Variants in FBLN2 observed in about 807,000 individuals in gnomAD.
The protein encoded by FBLN2 is fibulin 2.
FBLN2 carries 81 observed loss-of-function variants against 123.7 expected under a neutral mutation model. The observed-to-expected ratio is 0.65, with a 90% CI of 0.55 to 0.79. The LOEUF (loss-of-function observed/expected upper bound fraction) is 0.79. Among genes scored for constraint, FBLN2 ranks in the 30% least tolerant of loss-of-function variants. The probability of loss-of-function intolerance (pLI) is 0.00; values close to 1 mark genes in which losing one functional copy is unlikely to be tolerated. For synonymous variants in FBLN2, 699 were observed against 701.4 expected (o/e 1.00, Z 0.05); for missense variants, 1,603 against 1,681.3 (o/e 0.95, Z 0.81).
intron 11 of FBLN2, among the ~76,000 whole-genome samples, chr3:13,628,485 C>T (rs953749293): frequency 6.6e-6 from 1 of 152,172 alleles, no homozygotes; most frequent in Admixed American, 6.5e-5. Flanking sequence ...CCGGCCTAGT[C>T]CCCAAGTGGG....
chr3:13,608,864 C>A (rs781615955), intron 3 of FBLN2, among the ~76,000 whole-genome samples: 3 of 151,822 alleles, frequency 2.0e-5, no homozygotes, highest in East Asian at 1.9e-4. Context: ...TTCCCAATGT[C>A]CAGACCACTC....
At chr3:13,589,945 C>T (rs188306787) in intron 2 of FBLN2, among the ~76,000 whole-genome samples, 8 of 152,210 alleles carry the variant, frequency 5.3e-5, no homozygotes, top group South Asian at 2.1e-4. Flanking sequence ...TAACAGTACT[C>T]GTCTTAGAGC....
chr3:13,568,316 T>C (rs992734032), intron 1 of FBLN2, among the ~76,000 whole-genome samples: 1 of 152,178 alleles, frequency 6.6e-6, no homozygotes, highest in African/African-American at 2.4e-5. Context: ...GTCCGCTGCA[T>C]CCTATCCATC....
chr3:13,555,568 C>T (rs927885636), intron 1 of FBLN2, among the ~76,000 whole-genome samples: 2 of 152,116 alleles, frequency 1.3e-5, no homozygotes, highest in Non-Finnish European at 2.9e-5. Context: ...CATTCTCCTG[C>T]CTCAGCCTCC....
chr3:13,611,507 G>A (rs1303546031), intron 4 of FBLN2, among the ~76,000 whole-genome samples: 1 of 152,180 alleles, frequency 6.6e-6, no homozygotes, highest in African/African-American at 2.4e-5. Context: ...GGGAACTCAT[G>A]TAAGTGGAAT....
intron 2 of FBLN2, among the ~76,000 whole-genome samples, chr3:13,577,038 A>G (rs1574955323): frequency 2.6e-5 from 4 of 152,166 alleles, no homozygotes; most frequent in Admixed American, 2.6e-4. Context: ...CCTGGCCAAC[A>G]TGGTGAAACC....
intron 2 of FBLN2, among the ~76,000 whole-genome samples, chr3:13,602,895 C>A (rs1705079307): frequency 6.6e-6 from 1 of 150,680 alleles, no homozygotes. Flanking sequence ...TTCTTTGGCC[C>A]TTTTTTCTTT....
intron 1 of FBLN2, among the ~76,000 whole-genome samples, chr3:13,569,996 G>A (rs1321509690): frequency 6.6e-6 from 1 of 152,062 alleles, no homozygotes; most frequent in African/African-American, 2.4e-5. Context: ...GTGTGGGCAC[G>A]AGGGCTCACT....
At chr3:13,583,103 C>T (rs1427153682) in intron 2 of FBLN2, among the ~76,000 whole-genome samples, 7 of 152,266 alleles carry the variant, frequency 4.6e-5, no homozygotes, top group Non-Finnish European at 7.3e-5. Context: ...CTGCGAGACC[C>T]CTCCTTCAGC....
intron 6 of FBLN2, among the ~76,000 whole-genome samples, 197 bp from the exon 7 acceptor site, chr3:13,618,707 C>T (rs561226542): frequency 1.3e-5 from 2 of 152,280 alleles, no homozygotes; most frequent in South Asian, 2.1e-4. Context: ...CTTCTACCCC[C>T]TCTGCCCCCA....
intron 1 of FBLN2, among the ~76,000 whole-genome samples, chr3:13,556,371 G>C (rs973889923): frequency 6.6e-6 from 1 of 151,990 alleles, no homozygotes; most frequent in Non-Finnish European, 1.5e-5. Context: ...AGGGAGGGAG[G>C]GAGGGAGAGC....
intron 5 of FBLN2, among the ~76,000 whole-genome samples, chr3:13,617,645 A>T (rs1241955180): frequency 8.4e-6 from 1 of 119,106 alleles, no homozygotes; most frequent in African/African-American, 3.4e-5. Context: ...CCATTCATTC[A>T]CCCACCCATC....
rs1704552538 is a variant in FBLN2 at position 13,587,635 on chromosome 3, C to CAG, written c.1306+15979_1306+15980dup. On this transcript the variant is annotated intron_variant, in intron 2 of 17. Coordinates refer to ENST00000404922, the MANE Select transcript of FBLN2 (RefSeq NM_001004019.2). ...TCAGGCCATGAAGGGAAGTGGGGGTCAGAGAGGCCTCATTATATCTCTCAC... is the reference window on the plus strand; with the variant it reads ...TCAGGCCATGAAGGGAAGTGGGGGTCAGAGAGAGGCCTCATTATATCTCTCAC... Among the ~76,000 whole-genome samples, 7 of 152,196 alleles carry CAG rather than the reference C, an allele frequency of 4.6e-5. No homozygotes were observed. In the South Asian group the frequency reaches 1.5e-3, roughly 32 times the overall value.
chr3:13,628,947 G>C lies in FBLN2; in HGVS notation c.2612G>C (p.Gly871Ala). The C allele has an allele frequency of 6.2e-7, 1 of 1,613,662 alleles. No homozygotes were observed. The highest frequency in any genetic ancestry group is 8.5e-7 in the Non-Finnish European group (1 of 1,179,778). Residue 871 changes from glycine (G) to alanine (A), a missense_variant, in exon 12 of 18, where the codon GGC (glycine) becomes GCC (alanine). Coordinates refer to ENST00000404922, the MANE Select transcript of FBLN2 (RefSeq NM_001004019.2). Reference protein sequence around the residue: ...CTSLSEPCRPGFSCINTVGSY... With the variant: ...CTSLSEPCRPAFSCINTVGSY... ...TCACTGTCCGAGCCATGTCGGCCAG[G>C]CTTCAGCTGCATCAACACGGTGGGC...
chr3:13,578,665 TA>T (rs34575277), intron 2 of FBLN2, among the ~76,000 whole-genome samples: 150,767 of 152,352 alleles, frequency 0.99, 74,603 homozygotes, highest in East Asian at 1. Flanking sequence ...TGTGTAAGTT[TA>T]TTATATGGAC....
chr3:13,590,962 A>G (rs1704655482), intron 2 of FBLN2, among the ~76,000 whole-genome samples: 1 of 152,228 alleles, frequency 6.6e-6, no homozygotes, highest in South Asian at 2.1e-4. Flanking sequence ...GGTTATGTTT[A>G]ATGTTAGCAG....
intron 4 of FBLN2, among the ~76,000 whole-genome samples, chr3:13,612,466 C>T (rs1705437609): frequency 6.6e-6 from 1 of 151,870 alleles, no homozygotes; most frequent in South Asian, 2.1e-4. Flanking sequence ...CTGCAAGCTC[C>T]GCCTCCCAGG....
intron 1 of FBLN2, among the ~76,000 whole-genome samples, chr3:13,565,731 C>T (rs1190920842): frequency 9.9e-5 from 15 of 152,186 alleles, no homozygotes; most frequent in African/African-American, 2.9e-4. Context: ...GTGACTGGCC[C>T]GGTGGCCTCC....
At chr3:13,614,576 G>GTCCATCCATCCATCCATCCA (rs747826390) in intron 5 of FBLN2, among the ~76,000 whole-genome samples, 14 of 142,924 alleles carry the variant, frequency 9.8e-5, no homozygotes, top group Admixed American at 3.4e-4. Context: ...CCCATCATCT[G>GTCCATCCATCCATCCATCCA]TCCATCCATC....
Sources: allele counts gnomAD v4.1 joint callset (sites outside exome capture counted in the v4.1 genomes callset), GRCh38; gene constraint gnomAD v4.1.1; transcripts MANE v1.5; gene names NCBI Gene and HGNC (gene_info 2026-07-23, HGNC 2026-07-21).